Variants in RPS6KC1 observed in about 807,000 individuals in gnomAD.
RPS6KC1 encodes ribosomal protein S6 kinase C1, also known as inactive ribosomal protein S6 kinase delta-1.
A neutral mutation model predicts 103.8 loss-of-function variants in RPS6KC1; 54 were observed. The ratio of observed to expected loss-of-function variants is 0.52; its 90% CI spans 0.42 to 0.65. RPS6KC1 has a LOEUF of 0.65. Among genes scored for constraint, RPS6KC1 ranks in the 30% least tolerant of loss-of-function variants. RPS6KC1 has a pLI of 0.00. For missense variants in RPS6KC1, 1,151 were observed against 1,253.8 expected (o/e 0.92, Z 1.24); for synonymous variants, 439 against 438.7 (o/e 1.00, Z -0.01).
At chr1:213,127,973 A>T (rs1027882670) in intron 5 of RPS6KC1, among the ~76,000 whole-genome samples, 1 of 152,248 alleles carries the variant, frequency 6.6e-6, no homozygotes, top group Non-Finnish European at 1.5e-5. Context: ...ACAGAAACAG[A>T]AATTTCATTC....
At chr1:213,450,811 A>C in the RPS6KC1 span, among the ~76,000 whole-genome samples, 1 of 152,126 alleles carries the variant, frequency 6.6e-6, no homozygotes, top group Non-Finnish European at 1.5e-5. Flanking sequence ...CTCCGTCTCT[A>C]CTAAAAATAC....
At chr1:213,827,585 C>T in the RPS6KC1 span, among the ~76,000 whole-genome samples, 2 of 152,168 alleles carry the variant, frequency 1.3e-5, no homozygotes, top group African/African-American at 2.4e-5. Flanking sequence ...AAAAAGTTGG[C>T]TCCTATGCTT....
chr1:213,133,633 G>A lies in RPS6KC1; in HGVS notation c.835+3744G>A, dbSNP rs570083996. Reference sequence around the variant, plus strand: ...TGTGGGCTACATCATGAATTACAGAGTCGATTTGAGAGCTGGTTTTGTGTA... The same window carrying A: ...TGTGGGCTACATCATGAATTACAGAATCGATTTGAGAGCTGGTTTTGTGTA... On this transcript the variant is annotated intron_variant, in intron 6 of 14. Transcript: ENST00000366960. Among the ~76,000 whole-genome samples, 79 of 152,292 alleles carry A rather than the reference G, an allele frequency of 5.2e-4. 1 individual carries two copies. Among genetic ancestry groups the A allele is most frequent in the African/African-American group, 1.9e-3 (78 of 41,582 alleles).
At chr1:213,450,315 A>G in the RPS6KC1 span, among the ~76,000 whole-genome samples, 2 of 151,880 alleles carry the variant, frequency 1.3e-5, no homozygotes, top group African/African-American at 2.4e-5. Context: ...AAAGACTAGC[A>G]ATAAGCTGAG....
chr1:213,759,264 G>A, the RPS6KC1 span, among the ~76,000 whole-genome samples: 1 of 152,030 alleles, frequency 6.6e-6, no homozygotes, highest in Non-Finnish European at 1.5e-5. Context: ...TAAGTTATGA[G>A]CATTGTTCCT....
chr1:213,153,295 A>G (rs1313588979), intron 6 of RPS6KC1, among the ~76,000 whole-genome samples: 1 of 148,962 alleles, frequency 6.7e-6, no homozygotes, highest in African/African-American at 2.5e-5. Flanking sequence ...GCGCAGAGGC[A>G]GGCACAGAGG....
At chr1:213,718,896 G>A in the RPS6KC1 span, among the ~76,000 whole-genome samples, 2 of 152,220 alleles carry the variant, frequency 1.3e-5, no homozygotes, top group East Asian at 3.8e-4. Flanking sequence ...TTCTCAGGCT[G>A]CTGGTGCGTT....
chr1:213,519,398 A>G, the RPS6KC1 span, among the ~76,000 whole-genome samples: 1 of 152,134 alleles, frequency 6.6e-6, no homozygotes, highest in Non-Finnish European at 1.5e-5. Context: ...GTTTTGCAGA[A>G]AAGAAAGAGG....
chr1:213,065,040 G>A (rs1572288279), intron 1 of RPS6KC1, among the ~76,000 whole-genome samples: 4 of 141,024 alleles, frequency 2.8e-5, no homozygotes, highest in South Asian at 2.4e-4. Context: ...GCAGTGGCGC[G>A]ATCTTGGCTC....
At chr1:213,104,743 CT>C (rs1340531256) in intron 4 of RPS6KC1, among the ~76,000 whole-genome samples, 174 bp downstream of exon 4, 725 of 134,018 alleles carry the variant, frequency 5.4e-3, no homozygotes, top group Middle Eastern at 8.1e-3. Flanking sequence ...GAAATTTATG[CT>C]TTTTTTTTTT....
the RPS6KC1 span, among the ~76,000 whole-genome samples, chr1:213,636,463 A>C: frequency 2.0e-5 from 3 of 152,196 alleles, no homozygotes; most frequent in South Asian, 6.2e-4. Flanking sequence ...ATAACACCAC[A>C]CATCTACAAC....
At chr1:213,751,959 G>A in the RPS6KC1 span, among the ~76,000 whole-genome samples, 5 of 152,204 alleles carry the variant, frequency 3.3e-5, no homozygotes, top group African/African-American at 9.6e-5. Flanking sequence ...TACCAGCTAT[G>A]AGAGATAGGG....
downstream of RPS6KC1, among the ~76,000 whole-genome samples, chr1:213,276,864 C>G (rs2095113634): frequency 6.6e-6 from 1 of 152,188 alleles, no homozygotes; most frequent in African/African-American, 2.4e-5. Flanking sequence ...TAGGACCACA[C>G]CTACGTTTGC....
At chr1:213,372,001 T>C in the RPS6KC1 span, among the ~76,000 whole-genome samples, 1 of 152,218 alleles carries the variant, frequency 6.6e-6, no homozygotes, top group Non-Finnish European at 1.5e-5. Context: ...ATTCCACCTC[T>C]GTGAGTTTGG....
chr1:213,764,748 T>C, the RPS6KC1 span, among the ~76,000 whole-genome samples: 129 of 152,238 alleles, frequency 8.5e-4, no homozygotes, highest in African/African-American at 2.9e-3. Context: ...CAAGGTCATA[T>C]CCTGGAGCAA....
At chr1:213,128,728 G>T (rs974907838) in intron 5 of RPS6KC1, among the ~76,000 whole-genome samples, 2 of 152,026 alleles carry the variant, frequency 1.3e-5, no homozygotes, top group African/African-American at 4.8e-5. Context: ...TTCCAGTTAC[G>T]GATGGTTACC....
intron 8 of RPS6KC1, among the ~76,000 whole-genome samples, chr1:213,214,993 A>C (rs1052265035): frequency 6.6e-6 from 1 of 152,254 alleles, no homozygotes; most frequent in African/African-American, 2.4e-5. Flanking sequence ...AAAGGAACAC[A>C]GCTCCTCACC....
chr1:213,303,466 G>A, the RPS6KC1 span, among the ~76,000 whole-genome samples: 1 of 152,172 alleles, frequency 6.6e-6, no homozygotes, highest in Non-Finnish European at 1.5e-5. Flanking sequence ...TGTCATGGCT[G>A]TGTGGATGCC....
At chr1:213,580,221 C>T in the RPS6KC1 span, among the ~76,000 whole-genome samples, 1 of 151,940 alleles carries the variant, frequency 6.6e-6, no homozygotes, top group African/African-American at 2.4e-5. Flanking sequence ...AAAGTTGATT[C>T]CAACACTCAC....
Sources: allele counts gnomAD v4.1 joint callset (sites outside exome capture counted in the v4.1 genomes callset), GRCh38; gene constraint gnomAD v4.1.1; transcripts MANE v1.5; gene names NCBI Gene and HGNC (gene_info 2026-07-23, HGNC 2026-07-21).